CADM2: variants seen among roughly 807,000 people sequenced by gnomAD.
CADM2 encodes immunoglobulin superfamily member 4D.
In CADM2, 12 loss-of-function variants were observed where a neutral mutation model predicts 49.8. The observed-to-expected ratio is 0.24, with a 90% CI of 0.15 to 0.39. The LOEUF is 0.39. Ranked by LOEUF, CADM2 falls within the 10% of genes least tolerant of loss-of-function variation. CADM2 has a pLI of 1.00. For synonymous variants in CADM2, 214 were observed against 175.4 expected, an observed-to-expected ratio of 1.22 and a Z score of -1.74; for missense variants, 378 against 492.3, an observed-to-expected ratio of 0.77 and a Z score of 2.20.
intron 1 of CADM2, among the ~76,000 whole-genome samples, chr3:85,314,202 A>G (rs1422005170): frequency 6.6e-6 from 1 of 152,108 alleles, no homozygotes; most frequent in Non-Finnish European, 1.5e-5. Context: ...CATATCTTTC[A>G]TTCAATAATT....
chr3:85,488,676 C>A (rs1257877782), intron 1 of CADM2, among the ~76,000 whole-genome samples: 2 of 152,014 alleles, frequency 1.3e-5, no homozygotes, highest in Non-Finnish European at 2.9e-5. Context: ...GGATTAGAGG[C>A]ACTCACCACC....
chr3:85,812,856 A>G (rs1000899900), intron 3 of CADM2, among the ~76,000 whole-genome samples: 3 of 152,150 alleles, frequency 2.0e-5, no homozygotes, highest in Admixed American at 6.5e-5. Flanking sequence ...AGTTTCATCC[A>G]TGTCCCTGCA....
At chr3:85,939,593 T>A (rs1435544415) in intron 7 of CADM2, among the ~76,000 whole-genome samples, 2 of 151,960 alleles carry the variant, frequency 1.3e-5, no homozygotes, top group Admixed American at 6.6e-5. Flanking sequence ...CATCATTCAT[T>A]TTAATCGAAT....
intron 1 of CADM2, among the ~76,000 whole-genome samples, chr3:85,329,879 G>T (rs2044867958): frequency 6.6e-6 from 1 of 151,844 alleles, no homozygotes; most frequent in Non-Finnish European, 1.5e-5. Flanking sequence ...CTTTTTGAAA[G>T]AAAAATAAGA....
intron 1 of CADM2, among the ~76,000 whole-genome samples, chr3:85,418,257 A>G (rs1398966528): frequency 6.6e-6 from 1 of 152,134 alleles, no homozygotes; most frequent in African/African-American, 2.4e-5. Flanking sequence ...TTTACAAGAC[A>G]AAAAGTGAAC....
intron 1 of CADM2, among the ~76,000 whole-genome samples, chr3:85,327,047 CT>C (rs1190993392): frequency 6.8e-6 from 1 of 147,132 alleles, no homozygotes; most frequent in Non-Finnish European, 1.5e-5. Context: ...CTTTTTTTTT[CT>C]TTTTTTCTTT....
chr3:85,037,932 AT>A (rs1403707834), intron 1 of CADM2, among the ~76,000 whole-genome samples: 1 of 151,854 alleles, frequency 6.6e-6, no homozygotes. Context: ...TTACAAATGT[AT>A]TTACCAGGCT....
chr3:86,050,992 C>T (rs1737272056), intron 8 of CADM2, among the ~76,000 whole-genome samples: 1 of 152,196 alleles, frequency 6.6e-6, no homozygotes, highest in African/African-American at 2.4e-5. Context: ...TTTAATTCCT[C>T]ACCTAAAAAT....
chr3:85,695,407 C>T (rs541949352), intron 1 of CADM2, among the ~76,000 whole-genome samples: 1 of 152,156 alleles, frequency 6.6e-6, no homozygotes, highest in East Asian at 1.9e-4. Context: ...GTTTAGCTCT[C>T]ACTTATAAGT....
At chr3:85,423,041 T>C (rs183097912) in intron 1 of CADM2, among the ~76,000 whole-genome samples, 230 of 152,186 alleles carry the variant, frequency 1.5e-3, no homozygotes, top group African/African-American at 5.1e-3. Context: ...AGGGATTTTA[T>C]TGAGAGATGG....
chr3:85,451,885 A>G (rs989227281), intron 1 of CADM2, among the ~76,000 whole-genome samples: 2 of 152,134 alleles, frequency 1.3e-5, no homozygotes, highest in African/African-American at 4.8e-5. Context: ...AATGGATGAT[A>G]TGGAAGCATT....
chr3:85,152,625 A>G (rs1260154033), intron 1 of CADM2, among the ~76,000 whole-genome samples: 2 of 152,092 alleles, frequency 1.3e-5, no homozygotes, highest in Non-Finnish European at 2.9e-5. Context: ...GTGACTACTT[A>G]GATGACCTTC....
chr3:85,045,091 C>T (rs1266538507), intron 1 of CADM2, among the ~76,000 whole-genome samples: 2 of 152,118 alleles, frequency 1.3e-5, no homozygotes, highest in Admixed American at 1.3e-4. Context: ...TTCTTTATCA[C>T]ACATGTGATG....
intron 3 of CADM2, among the ~76,000 whole-genome samples, chr3:85,809,362 G>A (rs562894590): frequency 3.7e-4 from 56 of 152,116 alleles, no homozygotes; most frequent in Non-Finnish European, 3.8e-4. Flanking sequence ...AGGTTGAGGC[G>A]GGTGGACCAC....
chr3:85,301,557 A>G (rs1245598551), intron 1 of CADM2, among the ~76,000 whole-genome samples: 2 of 152,092 alleles, frequency 1.3e-5, no homozygotes, highest in African/African-American at 4.8e-5. Flanking sequence ...TGTCAGCAAT[A>G]GAAAATGATT....
chr3:86,065,534 T>G (rs1739200766), intron 8 of CADM2, 71 bp from the exon 9 acceptor site: 2 of 1,471,602 alleles, frequency 1.4e-6, no homozygotes, highest in Non-Finnish European at 9.2e-7. Flanking sequence ...AAATAACTCA[T>G]TCTAATGCAG....
At chr3:85,834,983 T>C (rs1424898217) in intron 3 of CADM2, among the ~76,000 whole-genome samples, 1 of 151,646 alleles carries the variant, frequency 6.6e-6, no homozygotes, top group Admixed American at 6.6e-5. Context: ...TGTGGCTATA[T>C]GTGAGTGTGC....
At chr3:85,531,490 A>G (rs1488191368) in intron 1 of CADM2, among the ~76,000 whole-genome samples, 2 of 152,214 alleles carry the variant, frequency 1.3e-5, no homozygotes, top group Non-Finnish European at 2.9e-5. Context: ...AAAAAAGTGT[A>G]AAATAATACA....
At chr3:85,129,785 A>G (rs1426423354) in intron 1 of CADM2, among the ~76,000 whole-genome samples, 1 of 152,218 alleles carries the variant, frequency 6.6e-6, no homozygotes, top group Non-Finnish European at 1.5e-5. Context: ...ATTTGGCTAG[A>G]ACATTGAAAA....
Sources: gnomAD v4.1 joint callset for allele counts (sites outside exome capture counted in the v4.1 genomes callset) on GRCh38, gnomAD v4.1.1 for gene constraint, MANE v1.5 for transcripts, NCBI Gene and HGNC (gene_info 2026-07-23, HGNC 2026-07-21) for gene names.